GLI3: variants seen among roughly 807,000 people sequenced by gnomAD.
The protein encoded by GLI3 is transcription activator GLI3.
Under a neutral mutation model 100.8 loss-of-function variants are expected in GLI3, and 20 were observed. The ratio of observed to expected loss-of-function variants is 0.20; its 90% CI spans 0.14 to 0.29. GLI3 has a LOEUF of 0.29. Among genes scored for constraint, GLI3 ranks in the 10% least tolerant of loss-of-function variants. The pLI, the probability that GLI3 is intolerant of heterozygous loss-of-function variation, is 1.00. For synonymous variants in GLI3, 938 were observed against 860.5 expected, an observed-to-expected ratio of 1.09 and a Z score of -1.58; for missense variants, 2,040 against 2,128.5, an observed-to-expected ratio of 0.96 and a Z score of 0.82.
intron 1 of GLI3, among the ~76,000 whole-genome samples, chr7:42,249,602 G>A (rs996158756): frequency 6.6e-6 from 1 of 152,164 alleles, no homozygotes. Context: ...TGTAAATGCA[G>A]GTGATGCTAT....
intron 7 of GLI3, among the ~76,000 whole-genome samples, chr7:42,033,804 C>A (rs1426074883): frequency 6.6e-6 from 1 of 151,934 alleles, no homozygotes; most frequent in Non-Finnish European, 1.5e-5. Flanking sequence ...ACATGTGCTT[C>A]TATTTGAGAG....
Position 42,054,108 on chromosome 7 carries a change from CTG to C in GLI3, c.474-5414_474-5413del, listed in dbSNP as rs1283248501. Reference sequence around the variant, plus strand: ...TTGTTTCCGTATTGCCCAGTGGAAACTGTTTGTTGGTGTAGGTAACTTGATTT... The same window carrying C: ...TTGTTTCCGTATTGCCCAGTGGAAACTTTGTTGGTGTAGGTAACTTGATTT... On this transcript the variant is annotated intron_variant, in intron 4 of 14. Transcript: ENST00000395925. 2.0e-5 allele frequency among the ~76,000 whole-genome samples: 3 copies of C among 152,152 alleles called. No individual in the cohort carries two copies. In the East Asian group the frequency reaches 5.8e-4, roughly 29 times the overall value.
At chr7:42,099,137 A>C (rs908199089) in intron 3 of GLI3, among the ~76,000 whole-genome samples, 3 of 152,174 alleles carry the variant, frequency 2.0e-5, no homozygotes, top group Non-Finnish European at 4.4e-5. Context: ...CTTCCCCACT[A>C]TCCACATAGG....
At chr7:42,071,210 C>T (rs1319792840) in intron 4 of GLI3, among the ~76,000 whole-genome samples, 1 of 151,790 alleles carries the variant, frequency 6.6e-6, no homozygotes, top group Non-Finnish European at 1.5e-5. Flanking sequence ...TTTTCTTTTT[C>T]TTTTTTGGGG....
At chr7:42,173,617 C>A (rs1380342195) in intron 2 of GLI3, among the ~76,000 whole-genome samples, 2 of 152,134 alleles carry the variant, frequency 1.3e-5, no homozygotes, top group Non-Finnish European at 2.9e-5. Flanking sequence ...TGATGAGAGC[C>A]TTCTAAACCA....
intron 3 of GLI3, among the ~76,000 whole-genome samples, chr7:42,095,767 C>T (rs1785324400): frequency 6.6e-6 from 1 of 152,112 alleles, no homozygotes; most frequent in Admixed American, 6.5e-5. Flanking sequence ...CAGCCAGGCT[C>T]CTGGTAGATG....
intron 10 of GLI3, among the ~76,000 whole-genome samples, chr7:41,995,752 AAAAG>A (rs1788106637): frequency 6.6e-6 from 1 of 152,156 alleles, no homozygotes; most frequent in Non-Finnish European, 1.5e-5. Flanking sequence ...TGAGATGAAG[AAAAG>A]AAAGAAGAAA....
At chr7:42,250,336 A>T (rs1789018732) in intron 1 of GLI3, among the ~76,000 whole-genome samples, 1 of 152,226 alleles carries the variant, frequency 6.6e-6, no homozygotes, top group South Asian at 2.1e-4. Flanking sequence ...AGGAGTCCAA[A>T]TGTAGGAAGC....
intron 2 of GLI3, 196 bp downstream of exon 2, chr7:42,222,934 C>G (rs1031130565): frequency 1.6e-6 from 1 of 627,018 alleles, no homozygotes; most frequent in African/African-American, 1.8e-5. Context: ...TGGAAGTCAA[C>G]GTGTAGGTTG....
At chr7:42,074,827 C>T (rs1017256319) in intron 4 of GLI3, among the ~76,000 whole-genome samples, 1 of 152,174 alleles carries the variant, frequency 6.6e-6, no homozygotes, top group Non-Finnish European at 1.5e-5. Context: ...ATCAGCTTTA[C>T]ATCATCAATC....
chr7:42,007,957 G>T (rs1211609591), intron 10 of GLI3, among the ~76,000 whole-genome samples: 1 of 152,206 alleles, frequency 6.6e-6, no homozygotes, highest in Non-Finnish European at 1.5e-5. Flanking sequence ...AGGAAAAACT[G>T]CTGGAGTGTT....
intron 1 of GLI3, among the ~76,000 whole-genome samples, chr7:42,257,382 G>A (rs1258477996): frequency 6.9e-6 from 1 of 143,970 alleles, no homozygotes; most frequent in Admixed American, 7.0e-5. Flanking sequence ...TTGAGACGGA[G>A]TCTCGCTCTG....
intron 6 of GLI3, among the ~76,000 whole-genome samples, chr7:42,041,803 T>C (rs551934831): frequency 2.6e-5 from 4 of 152,214 alleles, no homozygotes; most frequent in Non-Finnish European, 5.9e-5. Context: ...GTCAATACTA[T>C]AGAAATAATG....
chr7:42,159,271 G>T (rs1787077447), intron 2 of GLI3, among the ~76,000 whole-genome samples: 1 of 152,134 alleles, frequency 6.6e-6, no homozygotes, highest in Non-Finnish European at 1.5e-5. Context: ...TATTGAAAGG[G>T]GCATATGTCC....
In GLI3 at chr7:41,966,745, T is replaced by C; in HGVS notation, c.2432-104A>G. The C allele has an allele frequency of 8.5e-7, 1 of 1,172,232 alleles. No homozygotes were observed. The allele number at this position is 1,172,232 out of a possible 1,614,324, so 72.6% of individuals were successfully genotyped here. A position where few individuals can be genotyped will look rare whatever the true frequency, so the allele number is the denominator to read the frequency against. On this transcript the variant is annotated intron_variant, in intron 14 of 14. Transcript: ENST00000395925. This position sits in a 1 kb window ranked among gnomAD's most constrained non-coding sequence, Gnocchi z 5.8. ...TTTCTGTAAAGGGCCAGCTAGGAAC[T>C]ATTTCTGGTGTCCCAGGCCACATTG...
At chr7:42,093,539 G>A (rs1785273633) in intron 3 of GLI3, among the ~76,000 whole-genome samples, 1 of 151,978 alleles carries the variant, frequency 6.6e-6, no homozygotes, top group African/African-American at 2.4e-5. Context: ...CTTAAATTTG[G>A]GTTTTCACAC....
At chr7:41,970,894 CAT>C (rs1242657092) in intron 13 of GLI3, among the ~76,000 whole-genome samples, 1 of 151,752 alleles carries the variant, frequency 6.6e-6, no homozygotes, top group Admixed American at 6.5e-5. Flanking sequence ...TAAGAATAGA[CAT>C]GTGCTCCCCT....
intron 2 of GLI3, among the ~76,000 whole-genome samples, chr7:42,210,346 C>A (rs1412947080): frequency 1.1e-4 from 15 of 133,384 alleles, no homozygotes; most frequent in East Asian, 2.3e-4. Context: ...AAGCCCCCCC[C>A]CCCCCCCCAA....
At position 42,252,284 on chromosome 7, in the gene GLI3, T is replaced by C. The variant is rs185205060; in HGVS notation, c.-43+11710A>G. On this transcript the variant is annotated intron_variant, in intron 1 of 2. Transcript: ENST00000678978. Reference sequence around the variant, plus strand: ...TATGTTCTCACTCATAAGTGGGAGCTAAACAGTGAGAACCAATGAACACAT... The same window carrying C: ...TATGTTCTCACTCATAAGTGGGAGCCAAACAGTGAGAACCAATGAACACAT... Among the ~76,000 whole-genome samples, 607 of 152,156 alleles carry C rather than the reference T, an allele frequency of 4.0e-3. 6 individuals carry two copies. The highest frequency in any genetic ancestry group is 0.014 in the African/African-American group (584 of 41,496).
Sources: gnomAD v4.1 joint callset for allele counts (sites outside exome capture counted in the v4.1 genomes callset) on GRCh38, gnomAD v4.1.1 for gene constraint, Gnocchi (gnomAD v3.1) non-coding constraint, MANE v1.5 for transcripts, NCBI Gene and HGNC (gene_info 2026-07-23, HGNC 2026-07-21) for gene names.